Variants in KCNK17 observed in about 807,000 individuals in gnomAD.
The protein encoded by KCNK17 is potassium channel subfamily K member 17.
A neutral mutation model predicts 24.6 loss-of-function variants in KCNK17; 27 were observed. The ratio of observed to expected loss-of-function variants is 1.10; its 90% CI spans 0.81 to 1.51. KCNK17 has a LOEUF of 1.51. Ranked by LOEUF, KCNK17 falls within the 40% of genes most tolerant of loss-of-function variation. The pLI is 0.00. For missense variants in KCNK17, 450 were observed against 436.6 expected (o/e 1.03, Z -0.27); for synonymous variants, 181 against 189.8 (o/e 0.95, Z 0.38).
chr6:39,303,091 T>C (rs1423958397), intron 4 of KCNK17, among the ~76,000 whole-genome samples: 4 of 152,200 alleles, frequency 2.6e-5, no homozygotes, highest in African/African-American at 9.6e-5. Context: ...TCCTCCTCAG[T>C]AAAATGGGGG....
chr6:39,300,754 A>G (rs1396829849), intron 4 of KCNK17, among the ~76,000 whole-genome samples: 1 of 151,972 alleles, frequency 6.6e-6, no homozygotes, highest in Non-Finnish European at 1.5e-5. Flanking sequence ...TTCCCCATCT[A>G]TCATTCTTTC....
intron 2 of KCNK17, among the ~76,000 whole-genome samples, chr6:39,307,370 G>T (rs1284669285): frequency 6.6e-6 from 1 of 152,112 alleles, no homozygotes; most frequent in Non-Finnish European, 1.5e-5. Context: ...GCCTTTATGG[G>T]TTTCCTCTTC....
intron 4 of KCNK17, chr6:39,300,594 C>A (rs1298533185): frequency 7.0e-7 from 1 of 1,424,430 alleles, no homozygotes; most frequent in Non-Finnish European, 9.7e-7. Context: ...TCTTCAGCCA[C>A]CTGTCTGAAC....
At chr6:39,312,041 TG>T (rs1369011660) in intron 1 of KCNK17, among the ~76,000 whole-genome samples, 9 of 152,064 alleles carry the variant, frequency 5.9e-5, no homozygotes, top group Admixed American at 2.0e-4. Flanking sequence ...CCTGCAGAAG[TG>T]AGTGATAGAC....
At chr6:39,311,075 C>CACAT (rs1762127868) in intron 1 of KCNK17, 68 bp from the exon 2 acceptor site, 2 of 39,684 alleles carry the variant, frequency 5.0e-5, no homozygotes, top group Non-Finnish European at 8.0e-5. Context: ...CCAAGATGCA[C>CACAT]ACACACACAC....
At position 39,304,044 on chromosome 6, in the gene KCNK17, A is replaced by T. The variant is rs768158357; in HGVS notation, c.601T>A (p.Ser201Thr). Residue 201 changes from serine (S) to threonine (T), a missense_variant, in exon 4 of 5, where the codon TCC becomes ACC. Physicochemically the swap from Ser to Thr is moderately conservative, Grantham distance 58. Transcript: ENST00000373231. The stretch of plus-strand genomic sequence containing the variant: ...GTGTAGCTCCAGCCCTCCATGTGGG[A>T]GAAGAGCAGCGGTGGCAGCAGCAGG... The part of the protein sequence containing the change: ...LFLLLPPLLF[S>T]HMEGWSYTEG... 6.2e-7 allele frequency: 1 copy of T among 1,613,814 alleles called. No individual in the cohort carries two copies. Among genetic ancestry groups the T allele is most frequent in the Non-Finnish European group, 8.5e-7 (1 of 1,179,998 alleles).
At chr6:39,304,923 T>G (rs1332300821) in intron 2 of KCNK17, among the ~76,000 whole-genome samples, 1 of 152,238 alleles carries the variant, frequency 6.6e-6, no homozygotes, top group Non-Finnish European at 1.5e-5. Flanking sequence ...TCTAGGAGGC[T>G]AAGCTGCATG....
chr6:39,309,345 A>G (rs2113839462), intron 2 of KCNK17, among the ~76,000 whole-genome samples: 1 of 152,332 alleles, frequency 6.6e-6, no homozygotes, highest in Middle Eastern at 3.4e-3. Flanking sequence ...AAAGAAAATA[A>G]TAAGACCTAT....
chr6:39,301,502 GC>G (rs1350911535), intron 4 of KCNK17, among the ~76,000 whole-genome samples: 1 of 152,250 alleles, frequency 6.6e-6, no homozygotes. Flanking sequence ...GGGTTATGGG[GC>G]TATGATTCCG....
intron 2 of KCNK17, among the ~76,000 whole-genome samples, chr6:39,307,002 T>A (rs544061045): frequency 4.7e-4 from 71 of 152,296 alleles, no homozygotes; most frequent in Non-Finnish European, 9.3e-4. Context: ...GACCTTGTGA[T>A]CTGCCTGCCT....
rs1761898236 is a variant in KCNK17 at position 39,299,164 on chromosome 6, C to G, written c.*263G>C. 1 of 481,016 alleles carries G rather than the reference C, an allele frequency of 2.1e-6. No homozygotes were observed. The highest frequency in any genetic ancestry group is 1.9e-5 in the African/African-American group (1 of 51,890). The allele number at this position is 481,016 out of a possible 1,614,324, so 29.8% of individuals were successfully genotyped here. A position where few individuals can be genotyped will look rare whatever the true frequency, so the allele number is the denominator to read the frequency against. ...TCATGGTGCCGTATGGCTGCCAGAG[C>G]TCCCAGCCATCATATCGGCGGCATT... is the stretch of plus-strand genomic sequence containing the variant. On this transcript the variant is annotated 3_prime_UTR_variant, in exon 5 of 5. Coordinates refer to ENST00000373231, the MANE Select transcript of KCNK17 (RefSeq NM_031460.4).
chr6:39,307,498 G>T (rs1446319906), intron 2 of KCNK17, among the ~76,000 whole-genome samples: 1 of 152,228 alleles, frequency 6.6e-6, no homozygotes, highest in Middle Eastern at 3.4e-3. Flanking sequence ...GTCCTGCCAA[G>T]TTCCATCATC....
chr6:39,311,111 CACACACACAA>C (rs1441188224), intron 1 of KCNK17, 104 bp from the exon 2 acceptor site: 194 of 559,012 alleles, frequency 3.5e-4, no homozygotes, highest in African/African-American at 3.2e-3. Flanking sequence ...CACACACACA[CACACACACAA>C]ACAAACCTAC....
At chr6:39,313,087 C>T (rs1219842473) in intron 1 of KCNK17, among the ~76,000 whole-genome samples, 6 of 152,218 alleles carry the variant, frequency 3.9e-5, no homozygotes, top group Admixed American at 3.3e-4. Context: ...GGCTGGCGCG[C>T]AGCTGTCTGG....
intron 2 of KCNK17, among the ~76,000 whole-genome samples, chr6:39,310,041 C>CT (rs1762106507): frequency 6.6e-6 from 1 of 152,208 alleles, no homozygotes; most frequent in Non-Finnish European, 1.5e-5. Flanking sequence ...GGCTGGGATA[C>CT]TGGTGTCCTG....
chr6:39,305,251 C>T (rs945532209), intron 2 of KCNK17, among the ~76,000 whole-genome samples: 1 of 152,250 alleles, frequency 6.6e-6, no homozygotes, highest in South Asian at 2.1e-4. Context: ...CAGTCTCCTT[C>T]CTTCCCTCTC....
chr6:39,300,508 G>A, intron 4 of KCNK17: 1 of 1,551,268 alleles, frequency 6.4e-7, no homozygotes, highest in Non-Finnish European at 8.7e-7. Context: ...TCTCGTATCT[G>A]AAATGAGGCA....
At chr6:39,304,372 A>G (rs932703797) in intron 3 of KCNK17, 123 bp downstream of exon 3, 11 of 943,184 alleles carry the variant, frequency 1.2e-5, no homozygotes, top group Non-Finnish European at 1.8e-5. Flanking sequence ...AGTGACCCCC[A>G]ATCCCAACAC....
At chr6:39,305,483 G>A (rs886313460) in intron 2 of KCNK17, among the ~76,000 whole-genome samples, 3 of 148,672 alleles carry the variant, frequency 2.0e-5, no homozygotes, top group African/African-American at 7.3e-5. Context: ...GCCTAGGGGA[G>A]GAGGTAGAAG....
Sources: gnomAD v4.1 joint callset for allele counts (sites outside exome capture counted in the v4.1 genomes callset) on GRCh38, gnomAD v4.1.1 for gene constraint, MANE v1.5 for transcripts, NCBI Gene and HGNC (gene_info 2026-07-23, HGNC 2026-07-21) for gene names.